The following NPAS2 variants were observed in gnomAD, a reference collection of about 807,000 sequenced individuals.
NPAS2 encodes neuronal PAS domain protein 2, also known as neuronal PAS domain-containing protein 2.
Under a neutral mutation model 107.5 loss-of-function variants are expected in NPAS2, and 23 were observed. That is an observed-to-expected ratio of 0.21 (90% CI 0.15 to 0.30). The LOEUF (loss-of-function observed/expected upper bound fraction) is 0.30. Among genes scored for constraint, NPAS2 ranks in the 10% least tolerant of loss-of-function variants. The probability of loss-of-function intolerance (pLI) is 1.00; values close to 1 mark genes in which losing one functional copy is unlikely to be tolerated. For synonymous variants in NPAS2, 403 were observed against 417.5 expected (o/e 0.97, Z 0.42); for missense variants, 756 against 1,043.3 (o/e 0.72, Z 3.79).
rs763776277 is a variant in NPAS2 at position 100,964,878 on chromosome 2, C to T, written c.735C>T (p.Asp245=). 8.9e-6 allele frequency: 14 copies of T among 1,572,036 alleles called. No homozygotes were observed. Among genetic ancestry groups the T allele is most frequent in the East Asian group, 7.0e-5 (3 of 42,754 alleles). ...CAATACAGGAAATGTGCATAGTTGA[C>T]GAACCTTTAGAGGAATTCACTTCAA... ...PQFLKEMCIV[D]EPLEEFTSRH... is the part of the protein sequence containing the mutation. Residue 245 remains aspartate (D), a synonymous_variant, in exon 9 of 21, where the codon GAC becomes GAT. Coordinates refer to ENST00000335681, the MANE Select transcript of NPAS2 (RefSeq NM_002518.4).
chr2:100,820,959 C>A lies in NPAS2; in HGVS notation c.-23+545C>A. On this transcript the variant is annotated intron_variant, in intron 1 of 20. Transcript: ENST00000335681. The surrounding 1 kb of genome is among the most constrained non-coding windows in gnomAD (Gnocchi z 5.6). ...TGCCCCCAACCCCCGTGTGCGCAGA[C>A]AGCGTGCAGCCTGGCTCCTCACGTC... 9.5e-7 allele frequency: 1 copy of A among 1,048,082 alleles called. No individual in the cohort carries two copies. The allele number at this position is 1,048,082 out of a possible 1,614,324, so 64.9% of individuals were successfully genotyped here. A position where few individuals can be genotyped will look rare whatever the true frequency, so the allele number is the denominator to read the frequency against.
chr2:100,912,953 C>T (rs356655), intron 2 of NPAS2, among the ~76,000 whole-genome samples: 56,149 of 151,942 alleles, frequency 0.37, 11,338 homozygotes, highest in Admixed American at 0.52. Flanking sequence ...AACTGAGGAA[C>T]GTGTGGTTGG....
chr2:100,879,466 C>T (rs949953837), intron 1 of NPAS2, among the ~76,000 whole-genome samples: 3 of 152,164 alleles, frequency 2.0e-5, no homozygotes, highest in Non-Finnish European at 4.4e-5. Flanking sequence ...TACTTTGTAT[C>T]CTTTGAACTC....
At chr2:100,963,357 T>TA in intron 7 of NPAS2, among the ~76,000 whole-genome samples, 1 of 152,224 alleles carries the variant, frequency 6.6e-6, no homozygotes, top group Non-Finnish European at 1.5e-5. Flanking sequence ...TTCAAACCGT[T>TA]ACTGCAGAAT....
chr2:100,878,580 T>C (rs1558833045), intron 1 of NPAS2: 1 of 985,314 alleles, frequency 1.0e-6, no homozygotes, highest in African/African-American at 1.7e-5. Flanking sequence ...CCGTGTGTGG[T>C]ACATTAAGTT....
intron 2 of NPAS2, among the ~76,000 whole-genome samples, chr2:100,910,523 CTT>C (rs5832943): frequency 4.8e-4 from 67 of 138,388 alleles, no homozygotes; most frequent in Middle Eastern, 3.9e-3. Flanking sequence ...ATGACATCTT[CTT>C]TTTTTTTTTT....
chr2:100,934,960 T>A (rs1219032863), intron 4 of NPAS2: 1 of 985,270 alleles, frequency 1.0e-6, no homozygotes, highest in Non-Finnish European at 1.2e-6. Context: ...ACCCATCATG[T>A]CCCTAGGGAA....
At chr2:100,967,917 C>G (rs1035621745) in intron 10 of NPAS2, among the ~76,000 whole-genome samples, 1 of 152,240 alleles carries the variant, frequency 6.6e-6, no homozygotes, top group African/African-American at 2.4e-5. Context: ...TGGATGCTCT[C>G]TCCTGGGCTC....
chr2:100,855,029 T>C (rs2104497470), intron 1 of NPAS2, among the ~76,000 whole-genome samples: 1 of 152,374 alleles, frequency 6.6e-6, no homozygotes, highest in Admixed American at 6.5e-5. Context: ...ATTTTGTGTA[T>C]GTTAGGTGAA....
At chr2:100,894,585 A>T (rs1328404567) in intron 1 of NPAS2, among the ~76,000 whole-genome samples, 1 of 152,246 alleles carries the variant, frequency 6.6e-6, no homozygotes, top group Non-Finnish European at 1.5e-5. Flanking sequence ...GTTGCAAACC[A>T]TGCATAATAG....
intron 1 of NPAS2, among the ~76,000 whole-genome samples, chr2:100,891,402 T>C (rs944875292): frequency 1.2e-4 from 19 of 152,072 alleles, no homozygotes; most frequent in African/African-American, 4.6e-4. Flanking sequence ...GCATTGGACA[T>C]ACTTGACCAC....
intron 1 of NPAS2, among the ~76,000 whole-genome samples, chr2:100,837,030 A>G (rs544164823): frequency 6.6e-6 from 1 of 152,282 alleles, no homozygotes; most frequent in Admixed American, 6.5e-5. Context: ...TGCTATTTCC[A>G]GTAAATTACA....
chr2:100,920,541 G>A (rs2104865101), intron 2 of NPAS2, among the ~76,000 whole-genome samples: 1 of 152,216 alleles, frequency 6.6e-6, no homozygotes, highest in Middle Eastern at 3.4e-3. Flanking sequence ...CCCCTACTAT[G>A]TGTATCCAGA....
chr2:100,856,130 C>T (rs1488982709), intron 1 of NPAS2, among the ~76,000 whole-genome samples: 2 of 152,264 alleles, frequency 1.3e-5, no homozygotes, highest in African/African-American at 4.8e-5. Flanking sequence ...GAAACCCATC[C>T]AAAACCAGAA....
Position 100,934,813 on chromosome 2 carries a change from A to G in NPAS2, c.273+1812A>G, listed in dbSNP as rs73967994. On this transcript the variant is annotated intron_variant, in intron 4 of 20. Transcript: ENST00000335681. ...CACCATTGTCCAGTGCAACCTTCCC[A>G]TAGCATGGGTCTCTCTCCAGCTGCC... 1,511 of 985,356 alleles carry G rather than the reference A, an allele frequency of 1.5e-3. 26 individuals are homozygous for G. In the African/African-American group the frequency reaches 0.025, roughly 16 times the overall value. 61.0% of individuals were successfully genotyped at this position (985,356 alleles called of 1,614,324 possible). A position where few individuals can be genotyped will look rare whatever the true frequency, so the allele number is the denominator to read the frequency against.
intron 1 of NPAS2, among the ~76,000 whole-genome samples, chr2:100,835,611 G>T (rs1316133168): frequency 6.6e-6 from 1 of 152,132 alleles, no homozygotes; most frequent in East Asian, 1.9e-4. Context: ...TTGTTTCTCT[G>T]GCTGTAATAA....
chr2:100,856,908 AGTAGGGCAGGTGATG>A (rs1678608345), intron 1 of NPAS2, among the ~76,000 whole-genome samples: 1 of 152,190 alleles, frequency 6.6e-6, no homozygotes, highest in Non-Finnish European at 1.5e-5. Context: ...TGGGTGAGGA[AGTAGGGCAGGTGATG>A]GAGAGTGGTA....
intron 1 of NPAS2, among the ~76,000 whole-genome samples, chr2:100,903,539 G>A (rs956996647): frequency 6.6e-6 from 1 of 152,180 alleles, no homozygotes; most frequent in African/African-American, 2.4e-5. Flanking sequence ...AGATTGATTG[G>A]CTCCATTGAA....
chr2:100,929,117 C>G (rs1683774311), intron 3 of NPAS2, among the ~76,000 whole-genome samples: 1 of 152,218 alleles, frequency 6.6e-6, no homozygotes, highest in Non-Finnish European at 1.5e-5. Flanking sequence ...TTTGGCTAGC[C>G]TGGTCTCGAA....
Sources: gnomAD v4.1 joint callset for allele counts (sites outside exome capture counted in the v4.1 genomes callset) on GRCh38, gnomAD v4.1.1 for gene constraint, Gnocchi (gnomAD v3.1) non-coding constraint, MANE v1.5 for transcripts, NCBI Gene and HGNC (gene_info 2026-07-23, HGNC 2026-07-21) for gene names.